BIN2: variants seen among roughly 807,000 people sequenced by gnomAD.
The protein encoded by BIN2 is bridging integrator 2.
Under a neutral mutation model 67.9 loss-of-function variants are expected in BIN2, and 43 were observed. That is an observed-to-expected ratio of 0.63 (90% confidence interval 0.50 to 0.82). BIN2 has a LOEUF of 0.82. Among genes scored for constraint, BIN2 ranks in the 40% least tolerant of loss-of-function variants. BIN2 has a pLI of 0.00. For synonymous variants in BIN2, 244 were observed against 246.8 expected (o/e 0.99, Z 0.11); for missense variants, 581 against 671.6 (o/e 0.87, Z 1.49).
chr12:51,299,195 G>A lies in BIN2; in HGVS notation c.602+8C>T. 6.2e-7 allele frequency: 1 copy of A among 1,602,962 alleles called. No individual in the cohort carries two copies. The highest frequency in any genetic ancestry group is 1.3e-5 in the African/African-American group (1 of 74,728). On this transcript the variant is annotated splice_region_variant and intron_variant, in intron 7 of 12. Coordinates refer to ENST00000615107, the MANE Select transcript of BIN2 (RefSeq NM_016293.4). ...GCAAAGGCACCTTTTCTGAATTTCA[G>A]TCATTACCTATTATAAAGAATAGGC...
intron 10 of BIN2, among the ~76,000 whole-genome samples, chr12:51,290,201 C>T (rs977562125): frequency 2.0e-5 from 3 of 151,846 alleles, no homozygotes; most frequent in Non-Finnish European, 4.4e-5. Context: ...CTTACTGCAA[C>T]GTCTGCCTCC....
upstream of BIN2, chr12:51,324,343 TC>T (rs200995702): frequency 2.3e-3 from 3,014 of 1,319,880 alleles, 48 homozygotes; most frequent in African/African-American, 0.04. Flanking sequence ...GAGGCCAGCT[TC>T]CGAGCTCCAA....
intron 12 of BIN2, among the ~76,000 whole-genome samples, chr12:51,282,532 T>C (rs149464418): frequency 1.1e-3 from 165 of 152,306 alleles, no homozygotes; most frequent in Admixed American, 1.6e-3. Flanking sequence ...TACATAACAC[T>C]TGATAACAAT....
intron 5 of BIN2, among the ~76,000 whole-genome samples, chr12:51,301,811 T>C (rs1046317173): frequency 6.6e-6 from 1 of 152,108 alleles, no homozygotes; most frequent in Non-Finnish European, 1.5e-5. Flanking sequence ...CACCCAGCCT[T>C]GAAATCTAAG....
rs1946370474 is a variant in BIN2 at position 51,324,133 on chromosome 12, G to A, written c.-31C>T. The A allele has an allele frequency of 3.1e-6, 5 of 1,609,558 alleles. No homozygotes were observed. The highest frequency in any genetic ancestry group is 1.3e-5 in the African/African-American group (1 of 74,774). On this transcript the variant is annotated 5_prime_UTR_variant, in exon 1 of 13. Transcript: ENST00000615107. ...CAACTCCCTGGGGGCCGCCGCCCTG[G>A]CCCCGCGCCCTGTGGTTTTCTGAGG...
upstream of BIN2, chr12:51,324,336 G>C: frequency 7.6e-7 from 1 of 1,324,362 alleles, no homozygotes; most frequent in Non-Finnish European, 9.9e-7. Context: ...CTCGCTCGAG[G>C]CCAGCTTCCG....
At chr12:51,300,216 G>A (rs1945685556) in intron 5 of BIN2, among the ~76,000 whole-genome samples, 1 of 152,020 alleles carries the variant, frequency 6.6e-6, no homozygotes, top group South Asian at 2.1e-4. Flanking sequence ...GTCTCAGAGG[G>A]AGATAGAGTC....
Position 51,303,906 on chromosome 12 carries a change from T to C in BIN2, c.163-765A>G, listed in dbSNP as rs530414431. ...AATACTTCCAGAAACTGGAAACTAATGTCTTGCCTGAGACAGTATCACTTG... is the reference window on the plus strand; with the variant it reads ...AATACTTCCAGAAACTGGAAACTAACGTCTTGCCTGAGACAGTATCACTTG... On this transcript the variant is annotated intron_variant, in intron 2 of 12. Transcript: ENST00000615107. 2.7e-3 allele frequency among the ~76,000 whole-genome samples: 417 copies of C among 152,352 alleles called. 5 individuals are homozygous for C. The highest frequency in any genetic ancestry group is 9.5e-3 in the African/African-American group (397 of 41,584).
At position 51,281,447 on chromosome 12, in the gene BIN2, G is replaced by A. The variant is rs764182625; in HGVS notation, c.*52C>T. 2 of 1,578,630 alleles carry A rather than the reference G, an allele frequency of 1.3e-6. No individual in the cohort carries two copies. Among genetic ancestry groups the A allele is most frequent in the South Asian group, 1.1e-5 (1 of 90,310 alleles). ...TCCCTCTGACCTATACCCTCTGGTTGAAGAGCTTCTCTGGCGAGGTTTGGG... is the reference window on the plus strand; with the variant it reads ...TCCCTCTGACCTATACCCTCTGGTTAAAGAGCTTCTCTGGCGAGGTTTGGG... On this transcript the variant is annotated 3_prime_UTR_variant, in exon 13 of 13. Transcript: ENST00000615107.
rs541013236 is a variant in BIN2, at chr12:51,295,890, A to G, written c.679-12T>C. On this transcript the variant is annotated splice_polypyrimidine_tract_variant and intron_variant, in intron 8 of 12. Coordinates refer to ENST00000615107, the MANE Select transcript of BIN2 (RefSeq NM_016293.4). ...AGATTGTGGTTCAGCTAGAGCCAAT[A>G]AGAAAGAAGGGGATGCTAGCCAACT... The G allele has an allele frequency of 1.9e-6, 3 of 1,610,718 alleles. No homozygotes were observed. In the South Asian group the frequency reaches 3.3e-5, roughly 18 times the overall value.
At chr12:51,321,642 A>G (rs974230288) in intron 1 of BIN2, among the ~76,000 whole-genome samples, 1 of 152,076 alleles carries the variant, frequency 6.6e-6, no homozygotes, top group African/African-American at 2.4e-5. Flanking sequence ...CAGGAGATCC[A>G]CCTGCCTGGG....
At chr12:51,291,472 G>T in intron 10 of BIN2, 119 bp downstream of exon 10, 1 of 986,644 alleles carries the variant, frequency 1.0e-6, no homozygotes, top group Non-Finnish European at 1.5e-6. Context: ...GAGCTTGAGA[G>T]GTCGAGACTG....
intron 11 of BIN2, among the ~76,000 whole-genome samples, chr12:51,287,325 G>A (rs1338247296): frequency 6.7e-6 from 1 of 150,160 alleles, no homozygotes; most frequent in Non-Finnish European, 1.5e-5. Context: ...TTAAGGAAAA[G>A]TTGTTTTTTT....
rs758431238 is a variant in BIN2 at position 51,299,695 on chromosome 12, C to A, written c.428G>T (p.Gly143Val). The change falls in exon 6 of 13, where the codon GGT (glycine) becomes GTT (valine). Residue 143 changes from glycine (G) to valine (V), a missense_variant. Gly to Val is a moderately radical substitution (Grantham distance 109). Coordinates refer to ENST00000615107, the MANE Select transcript of BIN2 (RefSeq NM_016293.4). ...SEIKERIAKR[G>V]RKLVDYDSAR... is the part of the protein sequence containing the mutation. Reference sequence around the variant, plus strand: ...ACTGTCATAGTCCACGAGTTTCCGACCCCGCTTGGCAATTCTCTCCTGACC... The same window carrying A: ...ACTGTCATAGTCCACGAGTTTCCGAACCCGCTTGGCAATTCTCTCCTGACC... 2.5e-6 allele frequency: 4 copies of A among 1,614,086 alleles called. No individual in the cohort carries two copies. The South Asian group carries it at 4.4e-5, about 18-fold the overall frequency.
intron 2 of BIN2, among the ~76,000 whole-genome samples, chr12:51,309,734 G>A (rs777445105): frequency 6.6e-6 from 1 of 152,016 alleles, no homozygotes; most frequent in South Asian, 2.1e-4. Flanking sequence ...TATTTTCCCC[G>A]CTTAAGTGAT....
In BIN2 at chr12:51,324,086, G is replaced by A. The variant is rs745377859; in HGVS notation, c.17C>T (p.Ala6Val). 1 of 1,613,430 alleles carries A rather than the reference G, an allele frequency of 6.2e-7. No homozygotes were observed. The highest frequency in any genetic ancestry group is 8.5e-7 in the Non-Finnish European group (1 of 1,179,666). ...GGCGAAGAGGCCGGCCGCGCCGCCT[G>A]CCTTGCCCTCTGCCATCCTGCCAAC... Reference protein sequence around the residue: MAEGKAGGAAGLFAKQ... With the variant: MAEGKVGGAAGLFAKQ... The change falls in exon 1 of 13, where the codon GCA becomes GTA. Residue 6 changes from alanine (A) to valine (V), a missense_variant. Coordinates refer to ENST00000615107, the MANE Select transcript of BIN2 (RefSeq NM_016293.4).
chr12:51,300,120 G>A (rs1945683130), intron 5 of BIN2, among the ~76,000 whole-genome samples: 1 of 152,094 alleles, frequency 6.6e-6, no homozygotes, highest in South Asian at 2.1e-4. Flanking sequence ...TTACAGGCAG[G>A]AGCAACCGCA....
At chr12:51,283,730 C>T (rs1945171259) in intron 12 of BIN2, among the ~76,000 whole-genome samples, 1 of 152,030 alleles carries the variant, frequency 6.6e-6, no homozygotes, top group Non-Finnish European at 1.5e-5. Flanking sequence ...TGTGGTGGCT[C>T]CCGCCTGTAA....
intron 7 of BIN2, among the ~76,000 whole-genome samples, chr12:51,298,055 G>C (rs542652676): frequency 6.6e-6 from 1 of 151,740 alleles, no homozygotes; most frequent in African/African-American, 2.4e-5. Context: ...AGACCAGCCT[G>C]TCCAACAGGG....
Sources: gnomAD v4.1 joint callset for allele counts (sites outside exome capture counted in the v4.1 genomes callset) on GRCh38, gnomAD v4.1.1 for gene constraint, MANE v1.5 for transcripts, NCBI Gene and HGNC (gene_info 2026-07-23, HGNC 2026-07-21) for gene names.